FER: variants seen among roughly 807,000 people sequenced by gnomAD.
The protein encoded by FER is FER tyrosine kinase, also known as tyrosine-protein kinase Fer.
In FER, 63 loss-of-function variants were observed where a neutral mutation model predicts 111.0. That is an observed-to-expected ratio of 0.57 (90% CI 0.46 to 0.70). The LOEUF (loss-of-function observed/expected upper bound fraction) is 0.70. FER is among the 30% of genes least tolerant of loss of function. The probability of loss-of-function intolerance (pLI) is 0.00; values close to 1 mark genes in which losing one functional copy is unlikely to be tolerated. For missense variants in FER, 914 were observed against 954.0 expected, an observed-to-expected ratio of 0.96 and a Z score of 0.55; for synonymous variants, 327 against 313.9, an observed-to-expected ratio of 1.04 and a Z score of -0.44.
intron 17 of FER, among the ~76,000 whole-genome samples, chr5:109,169,405 ACT>A (rs1280648315): frequency 6.6e-6 from 1 of 152,074 alleles, no homozygotes; most frequent in African/African-American, 2.4e-5. Flanking sequence ...CATAACTTAG[ACT>A]CTATTTCAGT....
intron 13 of FER, among the ~76,000 whole-genome samples, chr5:109,036,671 C>T (rs1048183053): frequency 6.6e-6 from 1 of 151,890 alleles, no homozygotes; most frequent in Non-Finnish European, 1.5e-5. Context: ...TTTTATTCCT[C>T]CCTTCCTTTT....
intron 16 of FER, among the ~76,000 whole-genome samples, chr5:109,062,855 G>A (rs1309807701): frequency 6.6e-6 from 1 of 152,028 alleles, no homozygotes; most frequent in Non-Finnish European, 1.5e-5. Context: ...TATATTATCT[G>A]GTACAATTCT....
intron 1 of FER, among the ~76,000 whole-genome samples, chr5:108,766,548 A>G (rs181084024): frequency 1.2e-4 from 18 of 152,368 alleles, no homozygotes; most frequent in South Asian, 4.1e-4. Flanking sequence ...GAGCTTTGCT[A>G]TATCTAGAAG....
intron 11 of FER, among the ~76,000 whole-genome samples, chr5:108,953,982 T>C (rs965967627): frequency 1.3e-5 from 2 of 152,126 alleles, no homozygotes; most frequent in Admixed American, 1.3e-4. Context: ...AATACAATCA[T>C]CTCTTAAATT....
intron 17 of FER, among the ~76,000 whole-genome samples, chr5:109,170,264 TGCC>T (rs1315467933): frequency 6.6e-6 from 1 of 152,154 alleles, no homozygotes; most frequent in African/African-American, 2.4e-5. Flanking sequence ...ATAGCCTAAG[TGCC>T]AAGTCAGGGG....
At chr5:109,046,446 T>C (rs1300862656) in intron 15 of FER, among the ~76,000 whole-genome samples, 2 of 152,206 alleles carry the variant, frequency 1.3e-5, no homozygotes, top group Non-Finnish European at 2.9e-5. Context: ...CCAGATATTA[T>C]AATTTGAAGG....
At chr5:109,131,608 G>T (rs975994228) in intron 17 of FER, among the ~76,000 whole-genome samples, 5 of 151,872 alleles carry the variant, frequency 3.3e-5, no homozygotes, top group African/African-American at 4.8e-5. Context: ...TAATAGGAAA[G>T]ATGAGATCAG....
intron 16 of FER, among the ~76,000 whole-genome samples, chr5:109,093,427 G>C (rs1353957841): frequency 1.3e-5 from 2 of 152,070 alleles, no homozygotes; most frequent in South Asian, 2.1e-4. Context: ...ATGTATTTCT[G>C]ATCAAAATCT....
At chr5:109,099,590 A>G (rs999060971) in intron 16 of FER, among the ~76,000 whole-genome samples, 24 of 151,632 alleles carry the variant, frequency 1.6e-4, no homozygotes, top group African/African-American at 4.6e-4. Flanking sequence ...TATCTCAACT[A>G]AAATTTTCAT....
intron 16 of FER, among the ~76,000 whole-genome samples, chr5:109,077,199 T>G (rs2150009817): frequency 6.6e-6 from 1 of 152,334 alleles, no homozygotes; most frequent in African/African-American, 2.4e-5. Context: ...GGGGCAAAAA[T>G]GTGAATCACT....
intron 17 of FER, among the ~76,000 whole-genome samples, chr5:109,138,137 G>A (rs952760812): frequency 6.6e-6 from 1 of 152,166 alleles, no homozygotes; most frequent in South Asian, 2.1e-4. Flanking sequence ...ACAGGAAAAG[G>A]AGGGTGGGAG....
intron 13 of FER, among the ~76,000 whole-genome samples, chr5:108,970,154 C>T (rs1411571877): frequency 6.7e-6 from 1 of 148,276 alleles, no homozygotes; most frequent in Non-Finnish European, 1.5e-5. Flanking sequence ...GTTTTCCAAA[C>T]ACTGTTTTAT....
At chr5:108,814,351 G>T (rs1205297492) in intron 3 of FER, among the ~76,000 whole-genome samples, 2 of 152,136 alleles carry the variant, frequency 1.3e-5, no homozygotes, top group Non-Finnish European at 2.9e-5. Flanking sequence ...CAAAGCAAAA[G>T]CAGGTTTATT....
chr5:109,076,828 A>G (rs946853619), intron 16 of FER, among the ~76,000 whole-genome samples: 6 of 152,178 alleles, frequency 3.9e-5, no homozygotes, highest in Non-Finnish European at 7.3e-5. Context: ...AAAAGCAACT[A>G]TATCTTGAGT....
At chr5:109,082,647 T>C (rs1777123504) in intron 16 of FER, among the ~76,000 whole-genome samples, 2 of 151,094 alleles carry the variant, frequency 1.3e-5, no homozygotes, top group Non-Finnish European at 3.0e-5. Context: ...TTTTTTTTTG[T>C]CCTGATTTTC....
chr5:108,890,058 CACT>C (rs1747793436), intron 9 of FER, among the ~76,000 whole-genome samples: 1 of 152,098 alleles, frequency 6.6e-6, no homozygotes, highest in East Asian at 1.9e-4. Context: ...ACATTTCCAT[CACT>C]ACAAGGATCT....
chr5:108,954,214 G>C (rs1561671905), intron 11 of FER, among the ~76,000 whole-genome samples: 1 of 152,040 alleles, frequency 6.6e-6, no homozygotes, highest in African/African-American at 2.4e-5. Flanking sequence ...AGTCAGGTGA[G>C]TGAAGATAAA....
intron 17 of FER, among the ~76,000 whole-genome samples, chr5:109,129,684 C>A (rs1031489523): frequency 2.6e-5 from 4 of 152,000 alleles, no homozygotes; most frequent in Non-Finnish European, 4.4e-5. Flanking sequence ...TCATTTAGAA[C>A]ATACTCTGAT....
intron 16 of FER, among the ~76,000 whole-genome samples, chr5:109,061,345 A>T (rs781257310): frequency 6.6e-6 from 1 of 152,164 alleles, no homozygotes; most frequent in African/African-American, 2.4e-5. Context: ...ACAATAATAT[A>T]TAGTATCTTA....
Sources: allele counts gnomAD v4.1 joint callset (sites outside exome capture counted in the v4.1 genomes callset), GRCh38; gene constraint gnomAD v4.1.1; transcripts MANE v1.5; gene names NCBI Gene and HGNC (gene_info 2026-07-23, HGNC 2026-07-21).